Variants in CREB3L2 observed in about 807,000 individuals in gnomAD.
CREB3L2 encodes cyclic AMP-responsive element-binding protein 3-like protein 2.
Under a neutral mutation model 57.2 loss-of-function variants are expected in CREB3L2, and 23 were observed. The ratio of observed to expected loss-of-function variants is 0.40; its 90% CI spans 0.29 to 0.57. The LOEUF (loss-of-function observed/expected upper bound fraction) is 0.57. Ranked by LOEUF, CREB3L2 falls within the 20% of genes least tolerant of loss-of-function variation. The pLI is 0.42. For synonymous variants in CREB3L2, 268 were observed against 265.1 expected (o/e 1.01, Z -0.11); for missense variants, 628 against 634.7 (o/e 0.99, Z 0.11).
chr7:137,906,185 T>C (rs1334795745), intron 5 of CREB3L2, among the ~76,000 whole-genome samples: 2 of 152,210 alleles, frequency 1.3e-5, no homozygotes, highest in Admixed American at 6.5e-5. Flanking sequence ...TTTCCTGGCC[T>C]TGGAGTGATG....
intron 1 of CREB3L2, among the ~76,000 whole-genome samples, chr7:137,968,561 T>C (rs900557873): frequency 1.3e-5 from 2 of 152,226 alleles, no homozygotes; most frequent in Non-Finnish European, 2.9e-5. Flanking sequence ...TAAGGCTGCA[T>C]AGTATTCCAT....
rs576180757 is a variant in CREB3L2 at position 137,897,262 on chromosome 7, A to G, written c.1043+4092T>C. 1.6e-4 allele frequency among the ~76,000 whole-genome samples: 24 copies of G among 152,344 alleles called. No homozygotes were observed. In the East Asian group the frequency reaches 4.6e-3, roughly 29 times the overall value. ...CTTAATAATGCTGACAACAAAACAC[A>G]TAAACAAAAAACTTTCCCTGCTTTA... On this transcript the variant is annotated intron_variant, in intron 8 of 11. Transcript: ENST00000330387.
chr7:137,922,384 G>GTA (rs1175503933), intron 2 of CREB3L2, among the ~76,000 whole-genome samples: 2,564 of 19,004 alleles, frequency 0.13, 51 homozygotes, highest in Non-Finnish European at 0.16. Context: ...ATATATATAT[G>GTA]TATATATATA....
chr7:137,964,699 A>C (rs1801381623), intron 1 of CREB3L2, among the ~76,000 whole-genome samples: 1 of 152,218 alleles, frequency 6.6e-6, no homozygotes, highest in African/African-American at 2.4e-5. Context: ...CATTCTTTTC[A>C]AATTATAGAG....
chr7:137,915,219 T>A (rs1800102024), intron 3 of CREB3L2, among the ~76,000 whole-genome samples: 1 of 152,146 alleles, frequency 6.6e-6, no homozygotes. Flanking sequence ...AGAGTAGAAT[T>A]AAATTCTACT....
chr7:137,891,930 G>A (rs1225697058), intron 8 of CREB3L2, among the ~76,000 whole-genome samples: 1 of 152,128 alleles, frequency 6.6e-6, no homozygotes, highest in African/African-American at 2.4e-5. Context: ...GAACTCTCTG[G>A]GGAGTGGTGT....
intron 1 of CREB3L2, among the ~76,000 whole-genome samples, chr7:137,933,136 T>C (rs1208182721): frequency 1.3e-5 from 2 of 152,238 alleles, no homozygotes; most frequent in African/African-American, 2.4e-5. Context: ...GGTTGCCTGA[T>C]GGTGACTATT....
chr7:138,001,814 G>T lies in CREB3L2; in HGVS notation c.-109C>A. 1.4e-6 allele frequency: 1 copy of T among 727,904 alleles called. No homozygotes were observed. Among genetic ancestry groups the T allele is most frequent in the Non-Finnish European group, 2.1e-6 (1 of 474,952 alleles). The allele number at this position is 727,904 out of a possible 1,614,324, so 45.1% of individuals were successfully genotyped here. On this transcript the variant is annotated 5_prime_UTR_variant, in exon 1 of 12. Transcript: ENST00000330387. This position sits in a 1 kb window ranked among gnomAD's most constrained non-coding sequence, Gnocchi z 4.2. ...TCTCCGCGTGTGCTTGCGTGTGTGC[G>T]CGCGCGTGTCTGTAGTTTTGCACTT...
chr7:137,936,926 G>T (rs1211221192), intron 1 of CREB3L2, among the ~76,000 whole-genome samples: 1 of 152,206 alleles, frequency 6.6e-6, no homozygotes, highest in Non-Finnish European at 1.5e-5. Context: ...TGCCTCCCGG[G>T]TTTGTTTAGA....
At chr7:137,932,273 G>T (rs1003977725) in intron 1 of CREB3L2, among the ~76,000 whole-genome samples, 8 of 151,708 alleles carry the variant, frequency 5.3e-5, no homozygotes, top group African/African-American at 1.7e-4. Flanking sequence ...CATTTTTATT[G>T]TATGTAACAT....
Position 137,876,693 on chromosome 7 carries a change from G to C in CREB3L2, c.*3783C>G, listed in dbSNP as rs1044019871. Reference sequence around the variant, plus strand: ...GGCCAAATAAAATGACTCTCAAGAGGGCACTACCTGCCCATGGCTTCACAG... The same window carrying C: ...GGCCAAATAAAATGACTCTCAAGAGCGCACTACCTGCCCATGGCTTCACAG... On this transcript the variant is annotated 3_prime_UTR_variant, in exon 12 of 12. Transcript: ENST00000330387. 1 of 232,250 alleles carries C rather than the reference G, an allele frequency of 4.3e-6. No homozygotes were observed. The allele number at this position is 232,250 out of a possible 1,614,324, so 14.4% of individuals were successfully genotyped here. A position where few individuals can be genotyped will look rare whatever the true frequency, so the allele number is the denominator to read the frequency against.
chr7:137,975,493 C>A (rs914809671), intron 1 of CREB3L2, among the ~76,000 whole-genome samples: 1 of 152,140 alleles, frequency 6.6e-6, no homozygotes, highest in Non-Finnish European at 1.5e-5. Context: ...GTCCTTTGTT[C>A]CCCAGCCTCA....
Position 137,885,510 on chromosome 7 carries a change from T to G in CREB3L2, c.1044-8A>C. 6.2e-7 allele frequency: 1 copy of G among 1,606,820 alleles called. No individual in the cohort carries two copies. ...AGTTGCTGAAGGAGAGTCCTGCCAA[T>G]GATAACAACAGCCGTGAGGGGAGTC... is the stretch of plus-strand genomic sequence containing the variant. On this transcript the variant is annotated splice_polypyrimidine_tract_variant and splice_region_variant and intron_variant, in intron 8 of 11. Transcript: ENST00000330387.
intron 3 of CREB3L2, among the ~76,000 whole-genome samples, chr7:137,913,806 G>A (rs1021507671): frequency 1.3e-5 from 2 of 151,994 alleles, no homozygotes; most frequent in Non-Finnish European, 2.9e-5. Context: ...ATACTGGTGA[G>A]GATTCCCAAG....
At chr7:137,932,487 C>T (rs890783884) in intron 1 of CREB3L2, among the ~76,000 whole-genome samples, 4 of 152,140 alleles carry the variant, frequency 2.6e-5, no homozygotes, top group African/African-American at 7.2e-5. Flanking sequence ...AATCCCCACA[C>T]TTTGGGAGGC....
At chr7:137,987,094 T>C (rs1801805560) in intron 1 of CREB3L2, among the ~76,000 whole-genome samples, 2 of 152,172 alleles carry the variant, frequency 1.3e-5, no homozygotes, top group South Asian at 2.1e-4. Context: ...GAGAGAAAGC[T>C]TGCAAACCCA....
intron 1 of CREB3L2, among the ~76,000 whole-genome samples, chr7:137,947,154 C>G (rs1801012958): frequency 6.6e-6 from 1 of 150,614 alleles, no homozygotes; most frequent in South Asian, 2.1e-4. Flanking sequence ...AAGAAGGTGG[C>G]TGTTTACAAG....
chr7:137,946,586 C>A (rs1800981373), intron 1 of CREB3L2, among the ~76,000 whole-genome samples: 1 of 151,308 alleles, frequency 6.6e-6, no homozygotes, highest in African/African-American at 2.4e-5. Context: ...GACTCCTGAC[C>A]CATGGAAAAT....
intron 1 of CREB3L2, among the ~76,000 whole-genome samples, chr7:137,950,168 C>T (rs1476845652): frequency 1.3e-5 from 2 of 152,068 alleles, no homozygotes; most frequent in Admixed American, 6.5e-5. Context: ...CTTTCCAATA[C>T]ACCATATGCT....
Sources: allele counts gnomAD v4.1 joint callset (sites outside exome capture counted in the v4.1 genomes callset), GRCh38; gene constraint gnomAD v4.1.1; non-coding constraint Gnocchi (gnomAD v3.1); transcripts MANE v1.5; gene names NCBI Gene and HGNC (gene_info 2026-07-23, HGNC 2026-07-21).